Variants in MYL3 observed in about 807,000 individuals in gnomAD.
MYL3 encodes CMLC1.
MYL3 carries 11 observed loss-of-function variants against 21.3 expected under a neutral mutation model. The ratio of observed to expected loss-of-function variants is 0.52; its 90% CI spans 0.32 to 0.85. MYL3 has a LOEUF of 0.85. Ranked by LOEUF, MYL3 falls within the 40% of genes least tolerant of loss-of-function variation. The probability of loss-of-function intolerance (pLI) is 0.03; values close to 1 mark genes in which losing one functional copy is unlikely to be tolerated. For missense variants in MYL3, 206 were observed against 253.3 expected, an observed-to-expected ratio of 0.81 and a Z score of 1.27; for synonymous variants, 88 against 91.6, an observed-to-expected ratio of 0.96 and a Z score of 0.22.
chr3:46,862,668 G>A (rs893218871), intron 1 of MYL3, among the ~76,000 whole-genome samples: 1 of 152,184 alleles, frequency 6.6e-6, no homozygotes, highest in Non-Finnish European at 1.5e-5. Context: ...GGCTCCTGGG[G>A]CCACTGGTCA....
At chr3:46,875,219 A>G (rs2030146047) in intron 1 of MYL3, among the ~76,000 whole-genome samples, 1 of 152,222 alleles carries the variant, frequency 6.6e-6, no homozygotes, top group Non-Finnish European at 1.5e-5. Flanking sequence ...AGATGGGCAC[A>G]AAGGTAACAA....
At chr3:46,863,155 T>G in intron 1 of MYL3, 107 bp downstream of exon 1, 2 of 1,525,990 alleles carry the variant, frequency 1.3e-6, no homozygotes, top group Non-Finnish European at 1.8e-6. Context: ...GCTTCCAGCG[T>G]CAGCTCAGTG....
Position 46,861,019 on chromosome 3 carries a change from G to A in MYL3, c.130-32C>T, listed in dbSNP as rs776412048. 4.0e-5 allele frequency: 64 copies of A among 1,613,504 alleles called. No individual in the cohort carries two copies. The highest frequency in any genetic ancestry group is 1.3e-4 in the African/African-American group (10 of 74,874). On this transcript the variant is annotated intron_variant, in intron 1 of 6. Coordinates refer to ENST00000292327, the MANE Select transcript of MYL3 (RefSeq NM_000258.3). The surrounding 1 kb of genome is among the most constrained non-coding windows in gnomAD (Gnocchi z 4.2). ...AGAGACCCCAAAGACTCAGATGCCC[G>A]GCTTAAAAGGTGGGGCCACACCTCC... is the stretch of plus-strand genomic sequence containing the variant.
rs1044987006 is a variant in MYL3, at chr3:46,861,208, C to T, written c.130-221G>A. Among the ~76,000 whole-genome samples the T allele has an allele frequency of 6.6e-6, 1 of 152,158 alleles. No homozygotes were observed. The highest frequency in any genetic ancestry group is 2.4e-5 in the African/African-American group (1 of 41,438). On this transcript the variant is annotated intron_variant, in intron 1 of 6. Transcript: ENST00000292327. This position sits in a 1 kb window ranked among gnomAD's most constrained non-coding sequence, Gnocchi z 4.2. ...CCAGAAGGCCTTGAGGCTGTGTGCA[C>T]CGAGGCCCTGATGCTCGGTGGACCC...
rs1272010512 is a variant in MYL3, at chr3:46,859,763, C to T, written c.308-115G>A. On this transcript the variant is annotated intron_variant, in intron 3 of 6. Transcript: ENST00000292327. The surrounding 1 kb of genome is among the most constrained non-coding windows in gnomAD (Gnocchi z 4.1). ...TCTCACACAGTTCTACAACAGTCTA[C>T]ACCAGTTCTCACAGCAGTCTACACC... The T allele has an allele frequency of 6.6e-6, 8 of 1,209,852 alleles. No homozygotes were observed. In the East Asian group the frequency reaches 7.0e-5, roughly 11 times the overall value. 74.9% of individuals were successfully genotyped at this position (1,209,852 alleles called of 1,614,324 possible).
upstream of MYL3, chr3:46,866,596 A>C (rs1702049725): frequency 6.6e-6 from 1 of 152,272 alleles, no homozygotes; most frequent in African/African-American, 2.4e-5. Flanking sequence ...ACATTTTCCC[A>C]GGACCTGGTA....
At chr3:46,868,137 G>A (rs1359268702), upstream of MYL3, among the ~76,000 whole-genome samples, 1 of 152,210 alleles carries the variant, frequency 6.6e-6, no homozygotes, top group African/African-American at 2.4e-5. Context: ...GCCACTAACA[G>A]GATGGGGCCC....
At chr3:46,867,104 C>T (rs1453311523), upstream of MYL3, among the ~76,000 whole-genome samples, 1 of 152,030 alleles carries the variant, frequency 6.6e-6, no homozygotes, top group East Asian at 1.9e-4. Context: ...GACTAGACCC[C>T]ACTGTGGAGA....
At chr3:46,878,559 T>C (rs1429428464) in intron 1 of MYL3, among the ~76,000 whole-genome samples, 2 of 152,172 alleles carry the variant, frequency 1.3e-5, no homozygotes, top group Admixed American at 6.5e-5. Context: ...TGGGGAAATA[T>C]AAGGACTCAG....
upstream of MYL3, among the ~76,000 whole-genome samples, chr3:46,865,320 T>C (rs1456636206): frequency 1.4e-5 from 2 of 143,448 alleles, no homozygotes; most frequent in Admixed American, 7.0e-5. The surrounding 1 kb of genome is among the most constrained non-coding windows in gnomAD (Gnocchi z 4.3). Context: ...TTGGCAACAG[T>C]ATTGAGAAAG....
rs968113523 is a variant in MYL3, at chr3:46,859,434, T to C, written c.481+41A>G. ...CAACAGAGTGGTTTCTCCCAGGATG[T>C]CCCTGGAAGGAGTTGGGGTAGGGGA... On this transcript the variant is annotated intron_variant, in intron 4 of 6. Coordinates refer to ENST00000292327, the MANE Select transcript of MYL3 (RefSeq NM_000258.3). The surrounding 1 kb of genome is among the most constrained non-coding windows in gnomAD (Gnocchi z 4.1). 7 of 1,612,524 alleles carry C rather than the reference T, an allele frequency of 4.3e-6. No homozygotes were observed. Among genetic ancestry groups the C allele is most frequent in the Non-Finnish European group, 5.9e-6 (7 of 1,179,084 alleles).
rs946693484 is a variant in MYL3, at chr3:46,874,747, T to C, written c.-218+7327A>G. Among the ~76,000 whole-genome samples the C allele has an allele frequency of 1.3e-5, 2 of 151,876 alleles. No homozygotes were observed. The highest frequency in any genetic ancestry group is 2.4e-5 in the African/African-American group (1 of 41,304). On this transcript the variant is annotated intron_variant, in intron 1 of 3. Coordinates refer to the MYL3 transcript ENST00000431168. The surrounding 1 kb of genome is among the most constrained non-coding windows in gnomAD (Gnocchi z 4.1). ...CACAGACCCCCCCCCACACACACAA[T>C]AGGGACGCACTAGGCTTCTGGGGAT...
In MYL3 at chr3:46,858,432, TCTC is replaced by T. The variant is rs1428862701; in HGVS notation, c.508_510del (p.Glu170del). ...GAGTCCTCTTGCCCAGCCATCAACT[TCTC>T]CACTTCGTCTTCTGTCAGCCTCTCA... On this transcript the variant is annotated inframe_deletion, in exon 5 of 7. Transcript: ENST00000292327. The T allele has an allele frequency of 6.2e-7, 1 of 1,613,788 alleles. No homozygotes were observed.
At position 46,858,115 on chromosome 3, in the gene MYL3, C is replaced by T; in HGVS notation, c.*14-14G>A. On this transcript the variant is annotated splice_polypyrimidine_tract_variant and intron_variant, in intron 6 of 6. Transcript: ENST00000292327. The stretch of plus-strand genomic sequence containing the variant: ...TCCCTGGGCTTCCTGAGAGCAAAGG[C>T]AGTGCAGATTACAGAGGAGGAGGGA... 8.2e-7 allele frequency: 1 copy of T among 1,217,734 alleles called. No homozygotes were observed. The highest frequency in any genetic ancestry group is 1.2e-5 in the South Asian group (1 of 80,714). The allele number at this position is 1,217,734 out of a possible 1,614,324, so 75.4% of individuals were successfully genotyped here. A position where few individuals can be genotyped will look rare whatever the true frequency, so the allele number is the denominator to read the frequency against.
chr3:46,870,654 A>G (rs1702100355), intron 1 of MYL3, among the ~76,000 whole-genome samples: 1 of 152,186 alleles, frequency 6.6e-6, no homozygotes, highest in African/African-American at 2.4e-5. Context: ...CTGTGTGAGT[A>G]TTTATGTATC....
rs112911997 is a variant in MYL3, at chr3:46,859,651, G to A, written c.308-3C>T. 6.2e-7 allele frequency: 1 copy of A among 1,614,178 alleles called. No individual in the cohort carries two copies. Among genetic ancestry groups the A allele is most frequent in the African/African-American group, 1.3e-5 (1 of 75,062 alleles). On this transcript the variant is annotated splice_region_variant and splice_polypyrimidine_tract_variant and intron_variant, in intron 3 of 6. Transcript: ENST00000292327. The surrounding 1 kb of genome is among the most constrained non-coding windows in gnomAD (Gnocchi z 4.1). The stretch of plus-strand genomic sequence containing the variant: ...GTCCATCATCTTGGTATTGAGCTCT[G>A]CAGAGAAATGGTCCCAGGTTCCAGG...
upstream of MYL3, among the ~76,000 whole-genome samples, chr3:46,868,054 T>C (rs1702065226): frequency 1.3e-5 from 2 of 152,162 alleles, no homozygotes; most frequent in Admixed American, 1.3e-4. Context: ...GATAAATTTC[T>C]ACACCATCCC....
chr3:46,872,787 T>C (rs973946063), intron 1 of MYL3, among the ~76,000 whole-genome samples: 2 of 152,244 alleles, frequency 1.3e-5, no homozygotes, highest in Non-Finnish European at 2.9e-5. Context: ...CCTGGCTTTC[T>C]GAGAAGATGC....
At position 46,879,999 on chromosome 3, in the gene MYL3, AC is replaced by A. The variant is rs774014594; in HGVS notation, c.-218+2074del. ...GGTTGCAGTCAGCCGAGATCGCACC[AC>A]TGCACTCCAGCCTGGCCAACAGCCC... On this transcript the variant is annotated intron_variant, in intron 1 of 3. Transcript: ENST00000431168. This position sits in a 1 kb window ranked among gnomAD's most constrained non-coding sequence, Gnocchi z 4.7. Among the ~76,000 whole-genome samples, 3 of 152,148 alleles carry A rather than the reference AC, an allele frequency of 2.0e-5. No individual in the cohort carries two copies. The highest frequency in any genetic ancestry group is 4.4e-5 in the Non-Finnish European group (3 of 68,022).
Sources: allele counts gnomAD v4.1 joint callset (sites outside exome capture counted in the v4.1 genomes callset), GRCh38; gene constraint gnomAD v4.1.1; non-coding constraint Gnocchi (gnomAD v3.1); transcripts MANE v1.5; gene names NCBI Gene and HGNC (gene_info 2026-07-23, HGNC 2026-07-21).